Variants in RNF146 observed in about 807,000 individuals in gnomAD.
RNF146 encodes the protein E3 ubiquitin-protein ligase RNF146.
A neutral mutation model predicts 29.7 loss-of-function variants in RNF146; 11 were observed. The observed-to-expected ratio is 0.37, with a 90% CI of 0.23 to 0.61. RNF146 has a LOEUF of 0.61. Among genes scored for constraint, RNF146 ranks in the 20% least tolerant of loss-of-function variants. The probability of loss-of-function intolerance (pLI) is 0.66; values close to 1 mark genes in which losing one functional copy is unlikely to be tolerated. For synonymous variants in RNF146, 150 were observed against 159.7 expected, an observed-to-expected ratio of 0.94 and a Z score of 0.46; for missense variants, 342 against 438.9, an observed-to-expected ratio of 0.78 and a Z score of 1.97.
At chr6:127,278,047 C>T (rs1379665083) in intron 1 of RNF146, among the ~76,000 whole-genome samples, 3 of 151,972 alleles carry the variant, frequency 2.0e-5, no homozygotes, top group Non-Finnish European at 4.4e-5. Context: ...GTATGAGAGC[C>T]ACATGGAAAT....
rs1259873798 is a variant in RNF146 at position 127,288,098 on chromosome 6, A to G, written c.*405A>G. The G allele has an allele frequency of 5.9e-6, 1 of 168,438 alleles. No individual in the cohort carries two copies. Among genetic ancestry groups the G allele is most frequent in the Non-Finnish European group, 1.4e-5 (1 of 69,548 alleles). The allele number at this position is 168,438 out of a possible 1,614,324, so 10.4% of individuals were successfully genotyped here. A position where few individuals can be genotyped will look rare whatever the true frequency, so the allele number is the denominator to read the frequency against. On this transcript the variant is annotated 3_prime_UTR_variant, in exon 3 of 3. Coordinates refer to ENST00000368314, the MANE Select transcript of RNF146 (RefSeq NM_001242850.2). ...ATTTGGCACCTGTGAGATGTTTGAT[A>G]TTATGAACAGGAAACATAATTTAAT...
chr6:127,277,939 A>T (rs1193539763), intron 1 of RNF146, among the ~76,000 whole-genome samples: 2 of 152,100 alleles, frequency 1.3e-5, no homozygotes, highest in African/African-American at 4.8e-5. Context: ...ATTTGGTAGG[A>T]TAAGTCAGCT....
chr6:127,287,332 G>T lies in RNF146; in HGVS notation c.719G>T (p.Ser240Ile). ...CCTGCAACACCATCCCCTGATGCAA[G>T]CACTTCTCTGGAAGACTCTTTTGCT... Reference protein sequence around the residue: ...TSPATPSPDASTSLEDSFAHL... With the variant: ...TSPATPSPDAITSLEDSFAHL... The change falls in exon 3 of 3, where the codon AGC becomes ATC. Residue 240 changes from serine (S) to isoleucine (I), a missense_variant. Transcript: ENST00000368314. The T allele has an allele frequency of 6.2e-7, 1 of 1,613,472 alleles. No individual in the cohort carries two copies. The highest frequency in any genetic ancestry group is 8.5e-7 in the Non-Finnish European group (1 of 1,179,648).
At chr6:127,274,173 T>G (rs189890506) in intron 1 of RNF146, among the ~76,000 whole-genome samples, 139 of 151,712 alleles carry the variant, frequency 9.2e-4, no homozygotes, top group African/African-American at 3.2e-3. Context: ...ATTAACCAGA[T>G]TTTTTTTTAG....
At position 127,287,292 on chromosome 6, in the gene RNF146, G is replaced by C; in HGVS notation, c.679G>C (p.Gly227Arg). ...SSVRPLTSVDGQLTSPATPSP... is the reference protein window; with the variant it reads ...SSVRPLTSVDRQLTSPATPSP... ...TGTAAGGCCCCTAACATCAGTAGAT[G>C]GTCAGTTAACAAGCCCTGCAACACC... is the stretch of plus-strand genomic sequence containing the variant. The change falls in exon 3 of 3, where the codon GGT (glycine) becomes CGT (arginine). Residue 227 changes from glycine (G) to arginine (R), a missense_variant. By Grantham distance (125) the Gly-to-Arg change is moderately radical. Transcript: ENST00000368314. The C allele has an allele frequency of 1.9e-6, 3 of 1,613,348 alleles. No individual in the cohort carries two copies. Among genetic ancestry groups the C allele is most frequent in the Non-Finnish European group, 2.5e-6 (3 of 1,179,638 alleles).
intron 1 of RNF146, among the ~76,000 whole-genome samples, chr6:127,274,972 G>A (rs1316291423): frequency 6.6e-6 from 1 of 152,138 alleles, no homozygotes; most frequent in Non-Finnish European, 1.5e-5. Flanking sequence ...TAAAGTAAGA[G>A]CAAATTGACT....
At chr6:127,277,578 C>T (rs998404064) in intron 1 of RNF146, among the ~76,000 whole-genome samples, 3 of 151,956 alleles carry the variant, frequency 2.0e-5, no homozygotes, top group African/African-American at 4.8e-5. Context: ...AGAGCTAGTC[C>T]GAGTCCCAAA....
intron 1 of RNF146, among the ~76,000 whole-genome samples, chr6:127,269,386 G>A (rs1777132774): frequency 6.6e-6 from 1 of 152,184 alleles, no homozygotes; most frequent in South Asian, 2.1e-4. Flanking sequence ...TGCTGGCTAA[G>A]AAACATCTGT....
chr6:127,287,254 C>G lies in RNF146; in HGVS notation c.641C>G (p.Pro214Arg), dbSNP rs754963130. 10 of 1,613,308 alleles carry G rather than the reference C, an allele frequency of 6.2e-6. No homozygotes were observed. Among genetic ancestry groups the G allele is most frequent in the Non-Finnish European group, 4.2e-6 (5 of 1,179,608 alleles). Reference sequence around the variant, plus strand: ...GCACAGAGTGGAGCTTCTGTTCAGCCCCTAGTGTCTTCTGTAAGGCCCCTA... The same window carrying G: ...GCACAGAGTGGAGCTTCTGTTCAGCGCCTAGTGTCTTCTGTAAGGCCCCTA... ...VSAQSGASVQPLVSSVRPLTS... is the reference protein window; with the variant it reads ...VSAQSGASVQRLVSSVRPLTS... The change falls in exon 3 of 3, where the codon CCC becomes CGC. Residue 214 changes from proline (P) to arginine (R), a missense_variant. Transcript: ENST00000368314.
chr6:127,273,006 A>G (rs1434973608), intron 1 of RNF146, among the ~76,000 whole-genome samples: 1 of 152,210 alleles, frequency 6.6e-6, no homozygotes. Flanking sequence ...AATGATGGGT[A>G]ACTGCAGCTG....
chr6:127,271,405 C>G (rs1777479094), intron 1 of RNF146, among the ~76,000 whole-genome samples: 1 of 152,124 alleles, frequency 6.6e-6, no homozygotes, highest in Admixed American at 6.5e-5. Context: ...GCTACCTAAA[C>G]CCATTAACTT....
Position 127,286,808 on chromosome 6 carries a change from A to G in RNF146, c.195A>G (p.Ser65=), listed in dbSNP as rs1357438896. 1.2e-6 allele frequency: 2 copies of G among 1,613,282 alleles called. No individual in the cohort carries two copies. Among genetic ancestry groups the G allele is most frequent in the Non-Finnish European group, 1.7e-6 (2 of 1,179,564 alleles). Residue 65 remains serine (S), a synonymous_variant, in exon 3 of 3, where the codon TCA becomes TCG. Coordinates refer to ENST00000368314, the MANE Select transcript of RNF146 (RefSeq NM_001242850.2). This position sits in a 1 kb window ranked among gnomAD's most constrained non-coding sequence, Gnocchi z 4.6. ...VFCYLCVKGA[S]WLGKRCALCR... ...GCTATCTATGTGTAAAAGGAGCTTC[A>G]TGGCTTGGAAAGCGGTGTGCTCTTT...
chr6:127,285,083 A>T, intron 2 of RNF146: 1 of 465,162 alleles, frequency 2.1e-6, no homozygotes, highest in Non-Finnish European at 2.8e-6. Flanking sequence ...AAATGTTATT[A>T]AAAGTTGAAA....
intron 1 of RNF146, among the ~76,000 whole-genome samples, chr6:127,272,583 C>T (rs957881554): frequency 7.9e-5 from 12 of 152,248 alleles, no homozygotes; most frequent in Admixed American, 7.2e-4. Flanking sequence ...CTGCTTTTAT[C>T]TGGAGTCACT....
chr6:127,278,843 CTTATAGATGT>C lies in RNF146; in HGVS notation c.-108-1387_-108-1378del, dbSNP rs145202781. ...TTCCCTTTAAAAAAGTTGTAGCCTC[CTTATAGATGT>C]ATCATTGTGATTTTGATTTACATTT... On this transcript the variant is annotated intron_variant, in intron 1 of 2. Coordinates refer to ENST00000368314, the MANE Select transcript of RNF146 (RefSeq NM_001242850.2). Among the ~76,000 whole-genome samples, 587 of 152,036 alleles carry C rather than the reference CTTATAGATGT, an allele frequency of 3.9e-3. 6 individuals carry two copies. Among genetic ancestry groups the C allele is most frequent in the African/African-American group, 0.013 (555 of 41,496 alleles).
At position 127,286,736 on chromosome 6, in the gene RNF146, G is replaced by A. The variant is rs1779572619; in HGVS notation, c.123G>A (p.Leu41=). 1 of 1,613,244 alleles carries A rather than the reference G, an allele frequency of 6.2e-7. No individual in the cohort carries two copies. The highest frequency in any genetic ancestry group is 8.5e-7 in the Non-Finnish European group (1 of 1,179,570). ...CCGTCCCTGAATGTGCCATTTGTCT[G>A]CAAACATGTGTTCATCCAGTCAGTC... The part of the protein sequence containing the change: ...SLTVPECAIC[L]QTCVHPVSLP... The change falls in exon 3 of 3, where the codon CTG becomes CTA. Residue 41 remains leucine (L), a synonymous_variant. Coordinates refer to ENST00000368314, the MANE Select transcript of RNF146 (RefSeq NM_001242850.2). This position sits in a 1 kb window ranked among gnomAD's most constrained non-coding sequence, Gnocchi z 4.6.
intron 2 of RNF146, chr6:127,285,285 TG>T (rs1398191667): frequency 1.0e-6 from 1 of 984,998 alleles, no homozygotes; most frequent in East Asian, 1.1e-4. Context: ...AAAAAAGGAT[TG>T]TTTGAAGATT....
intron 2 of RNF146, chr6:127,285,368 A>C (rs1029379858): frequency 2.0e-6 from 2 of 983,456 alleles, no homozygotes; most frequent in Admixed American, 1.2e-4. Context: ...CTTGTTGACT[A>C]TATCTTTTGT....
chr6:127,283,263 T>A (rs1779130501), intron 2 of RNF146, among the ~76,000 whole-genome samples: 1 of 151,842 alleles, frequency 6.6e-6, no homozygotes, highest in Non-Finnish European at 1.5e-5. Flanking sequence ...AAATGATGTA[T>A]TATACTTATT....
Sources: allele counts gnomAD v4.1 joint callset (sites outside exome capture counted in the v4.1 genomes callset), GRCh38; gene constraint gnomAD v4.1.1; non-coding constraint Gnocchi (gnomAD v3.1); transcripts MANE v1.5; gene names NCBI Gene and HGNC (gene_info 2026-07-23, HGNC 2026-07-21).